CLEC1A: variants seen among roughly 807,000 people sequenced by gnomAD.
CLEC1A encodes C-type lectin domain family 1 member A, also known as C-type lectin-like receptor-1.
Under a neutral mutation model 28.7 loss-of-function variants are expected in CLEC1A, and 34 were observed. The ratio of observed to expected loss-of-function variants is 1.18; its 90% CI spans 0.90 to 1.57. The LOEUF (loss-of-function observed/expected upper bound fraction) is 1.57. Ranked by LOEUF, CLEC1A falls within the 40% of genes most tolerant of loss-of-function variation. CLEC1A has a pLI of 0.00. For synonymous variants in CLEC1A, 116 were observed against 121.0 expected (o/e 0.96, Z 0.27); for missense variants, 385 against 339.5 (o/e 1.13, Z -1.05).
chr12:10,089,446 GT>G (rs1179093041), intron 1 of CLEC1A, among the ~76,000 whole-genome samples: 1 of 152,088 alleles, frequency 6.6e-6, no homozygotes, highest in East Asian at 1.9e-4. Context: ...CCACCCGTTT[GT>G]ATCCACCCCT....
In CLEC1A at chr12:10,081,409, A is replaced by G. The variant is rs35543384; in HGVS notation, c.219T>C (p.Phe73=). 1.0e-3 allele frequency: 1,610 copies of G among 1,591,184 alleles called. 13 individuals are homozygous for G. In the African/African-American group the frequency reaches 0.018, roughly 18 times the overall value. Reference sequence around the variant, plus strand: ...CAGTATTGGAGAGCTGGTAGTACTGAAAAACTAACCCAAATGACCAAGTCA... The same window carrying G: ...CAGTATTGGAGAGCTGGTAGTACTGGAAAACTAACCCAAATGACCAAGTCA... ...IGLAALGLLF[F]QYYQLSNTGQ... is the part of the protein sequence containing the mutation. Residue 73 remains phenylalanine (F), a synonymous_variant, in exon 3 of 6, where the codon TTT becomes TTC. Coordinates refer to ENST00000315330, the MANE Select transcript of CLEC1A (RefSeq NM_016511.4).
In CLEC1A at chr12:10,098,964, C is replaced by T; in HGVS notation, c.-42G>A. The T allele has an allele frequency of 6.9e-7, 1 of 1,449,766 alleles. No individual in the cohort carries two copies. The highest frequency in any genetic ancestry group is 9.6e-7 in the Non-Finnish European group (1 of 1,045,800). 89.8% of individuals were successfully genotyped at this position (1,449,766 alleles called of 1,614,324 possible). A position where few individuals can be genotyped will look rare whatever the true frequency, so the allele number is the denominator to read the frequency against. Reference sequence around the variant, plus strand: ...GTGAGAGTGAAATGTGGTCGGATTGCCCTGGGCCGCCGGGCTACTGTGAGC... The same window carrying T: ...GTGAGAGTGAAATGTGGTCGGATTGTCCTGGGCCGCCGGGCTACTGTGAGC... On this transcript the variant is annotated 5_prime_UTR_variant, in exon 1 of 6. Transcript: ENST00000315330.
Position 10,072,429 on chromosome 12 carries a change from T to C in CLEC1A, c.662+864A>G, listed in dbSNP as rs76826653. Among the ~76,000 whole-genome samples the C allele has an allele frequency of 9.3e-3, 1,411 of 152,368 alleles. 18 individuals are homozygous for C. The highest frequency in any genetic ancestry group is 0.068 in the Middle Eastern group (20 of 294). On this transcript the variant is annotated intron_variant, in intron 5 of 5. Coordinates refer to ENST00000315330, the MANE Select transcript of CLEC1A (RefSeq NM_016511.4). ...CCTGTCTAAATGCTCACAGCATATG[T>C]ACGACTAGTGTTTTATATTACCCCT...
Position 10,098,903 on chromosome 12 carries a change from C to A in CLEC1A, c.20G>T (p.Ser7Ile), listed in dbSNP as rs1290280341. 1 of 1,612,774 alleles carries A rather than the reference C, an allele frequency of 6.2e-7. No homozygotes were observed. Among genetic ancestry groups the A allele is most frequent in the Non-Finnish European group, 8.5e-7 (1 of 1,179,382 alleles). Residue 7 changes from serine to isoleucine, a missense_variant, in exon 1 of 6, where the codon AGC becomes ATC. Physicochemically the swap from Ser to Ile is moderately radical, Grantham distance 142 (BLOSUM62 -2). Transcript: ENST00000315330. ...ATCATCATCCAGCATGTCCCTCGTG[C>A]TGCTGTACTTGGCCTGCATCTGGAT... MQAKYS[S>I]TRDMLDDDGD...
intron 2 of CLEC1A, 102 bp downstream of exon 2, chr12:10,089,022 G>A (rs929360668): frequency 4.7e-6 from 4 of 851,952 alleles, no homozygotes; most frequent in African/African-American, 3.4e-5. Context: ...TTTTCCAAAG[G>A]CTAAGGAATT....
At chr12:10,088,662 T>C (rs117440358) in intron 2 of CLEC1A, among the ~76,000 whole-genome samples, 8,578 of 152,028 alleles carry the variant, frequency 0.056, 333 homozygotes, top group Middle Eastern at 0.1. Flanking sequence ...AGTGACTGTA[T>C]AACTTCCTGG....
intron 3 of CLEC1A, among the ~76,000 whole-genome samples, chr12:10,077,687 A>G (rs561625283): frequency 2.0e-5 from 3 of 152,222 alleles, no homozygotes; most frequent in Non-Finnish European, 2.9e-5. Context: ...AGCAAGGCCA[A>G]TAACCCCAGG....
intron 1 of CLEC1A, among the ~76,000 whole-genome samples, chr12:10,092,182 C>T (rs1947715193): frequency 1.3e-5 from 2 of 152,142 alleles, no homozygotes; most frequent in African/African-American, 4.8e-5. Context: ...AGAACTATGA[C>T]AGTCAACCAA....
At chr12:10,091,997 A>G (rs1334574654) in intron 1 of CLEC1A, among the ~76,000 whole-genome samples, 2 of 126,202 alleles carry the variant, frequency 1.6e-5, no homozygotes, top group Non-Finnish European at 3.7e-5. Context: ...TTAAATTTAA[A>G]TAAATGAATG....
chr12:10,088,704 C>T (rs1256378941), intron 2 of CLEC1A, among the ~76,000 whole-genome samples: 1 of 151,842 alleles, frequency 6.6e-6, no homozygotes, highest in Non-Finnish European at 1.5e-5. Flanking sequence ...AAGGAGTTTA[C>T]CTACTCTCCT....
chr12:10,077,952 C>A (rs1265691296), intron 3 of CLEC1A, among the ~76,000 whole-genome samples: 1 of 152,166 alleles, frequency 6.6e-6, no homozygotes, highest in African/African-American at 2.4e-5. Flanking sequence ...TCGACCACAT[C>A]TCTATGCTTC....
At chr12:10,072,464 A>T (rs763021284) in intron 5 of CLEC1A, among the ~76,000 whole-genome samples, 2 of 152,214 alleles carry the variant, frequency 1.3e-5, no homozygotes, top group Non-Finnish European at 2.9e-5. Context: ...TTACATTTTC[A>T]GCAAATCTTT....
At chr12:10,086,291 A>G (rs1353575727) in intron 2 of CLEC1A, among the ~76,000 whole-genome samples, 1 of 152,100 alleles carries the variant, frequency 6.6e-6, no homozygotes, top group African/African-American at 2.4e-5. Context: ...TTGGAGAAAC[A>G]TGAACAAACC....
intron 3 of CLEC1A, among the ~76,000 whole-genome samples, chr12:10,080,623 G>A (rs1866347882): frequency 6.6e-6 from 1 of 152,154 alleles, no homozygotes; most frequent in African/African-American, 2.4e-5. Flanking sequence ...TGAATAAAGT[G>A]GATTATCACA....
intron 1 of CLEC1A, among the ~76,000 whole-genome samples, chr12:10,094,838 C>G (rs1213836896): frequency 6.6e-6 from 1 of 152,128 alleles, no homozygotes; most frequent in East Asian, 1.9e-4. Context: ...AAGGCTCTTT[C>G]TGTTTTAGTC....
In CLEC1A at chr12:10,070,725, T is replaced by A. The variant is rs1051537654; in HGVS notation, c.*608A>T. Reference sequence around the variant, plus strand: ...GGGGAGACAATTATCAGAGTCTTAATGGACACAGGAAGGAATGCTTATAAG... The same window carrying A: ...GGGGAGACAATTATCAGAGTCTTAAAGGACACAGGAAGGAATGCTTATAAG... On this transcript the variant is annotated 3_prime_UTR_variant, in exon 6 of 6. Transcript: ENST00000315330. 1 of 152,196 alleles carries A rather than the reference T, an allele frequency of 6.6e-6. No individual in the cohort carries two copies. The highest frequency in any genetic ancestry group is 1.5e-5 in the Non-Finnish European group (1 of 68,030). 9.4% of individuals were successfully genotyped at this position (152,196 alleles called of 1,614,324 possible). A position where few individuals can be genotyped will look rare whatever the true frequency, so the allele number is the denominator to read the frequency against.
At chr12:10,088,993 TA>T in intron 2 of CLEC1A, 130 bp downstream of exon 2, 1 of 727,686 alleles carries the variant, frequency 1.4e-6, no homozygotes, top group Non-Finnish European at 2.4e-6. Context: ...AGTTGCCATT[TA>T]AAAAAAGATA....
chr12:10,080,938 C>G (rs1045221318), intron 3 of CLEC1A, among the ~76,000 whole-genome samples: 1 of 152,072 alleles, frequency 6.6e-6, no homozygotes, highest in Non-Finnish European at 1.5e-5. Context: ...GAACATTTGC[C>G]GAGGTAAATT....
At chr12:10,082,507 C>G (rs960699217) in intron 2 of CLEC1A, among the ~76,000 whole-genome samples, 1 of 152,112 alleles carries the variant, frequency 6.6e-6, no homozygotes, top group East Asian at 1.9e-4. Flanking sequence ...CATGACAAGC[C>G]CCGTCCAAGG....
Sources: gnomAD v4.1 joint callset for allele counts (sites outside exome capture counted in the v4.1 genomes callset) on GRCh38, gnomAD v4.1.1 for gene constraint, MANE v1.5 for transcripts, NCBI Gene and HGNC (gene_info 2026-07-23, HGNC 2026-07-21) for gene names.